Variants in KCNH8 observed in about 807,000 individuals in gnomAD.
KCNH8 encodes the protein potassium voltage-gated channel subfamily H member 8.
KCNH8 carries 70 observed loss-of-function variants against 103.6 expected under a neutral mutation model. The ratio of observed to expected loss-of-function variants is 0.68; its 90% CI spans 0.56 to 0.82. KCNH8 has a LOEUF of 0.82. KCNH8 is among the 40% of genes least tolerant of loss of function. The pLI is 0.00. For synonymous variants in KCNH8, 498 were observed against 489.4 expected (o/e 1.02, Z -0.23); for missense variants, 1,217 against 1,329.9 (o/e 0.92, Z 1.32).
intron 1 of KCNH8, among the ~76,000 whole-genome samples, chr3:19,187,494 C>T (rs7429800): frequency 2.0e-5 from 3 of 152,034 alleles, no homozygotes; most frequent in Non-Finnish European, 2.9e-5. Flanking sequence ...GTTATATCAC[C>T]TCAGTTGATC....
At chr3:19,353,510 C>CA (rs1330782895) in intron 5 of KCNH8, among the ~76,000 whole-genome samples, 2 of 152,312 alleles carry the variant, frequency 1.3e-5, no homozygotes, top group East Asian at 3.9e-4. Flanking sequence ...CCAAATCCAG[C>CA]AGCACATCAA....
At chr3:19,529,893 T>G (rs148043067) in intron 15 of KCNH8, among the ~76,000 whole-genome samples, 5 of 152,288 alleles carry the variant, frequency 3.3e-5, no homozygotes, top group African/African-American at 9.6e-5. Flanking sequence ...TAAAGAAACC[T>G]CTGTTTCCTT....
intron 11 of KCNH8, among the ~76,000 whole-genome samples, chr3:19,492,807 T>A (rs940425459): frequency 7.9e-5 from 12 of 151,352 alleles, no homozygotes; most frequent in Non-Finnish European, 1.3e-4. Flanking sequence ...ATTCTTCTAG[T>A]CCTTGAGCAT....
Position 19,253,890 on chromosome 3 carries a change from G to A in KCNH8, c.310+3G>A, listed in dbSNP as rs373918603. On this transcript the variant is annotated splice_donor_region_variant and intron_variant, in intron 2 of 15. Transcript: ENST00000328405. ...AATTATGTTCTACAAGAAAAACGGT[G>A]AGTTGGCTTTCTTTCGTGCTCACTG... 4 of 1,604,220 alleles carry A rather than the reference G, an allele frequency of 2.5e-6. No homozygotes were observed. In the African/African-American group the frequency reaches 4.0e-5, roughly 16 times the overall value.
intron 3 of KCNH8, among the ~76,000 whole-genome samples, chr3:19,341,099 G>A (rs1279092383): frequency 1.3e-5 from 2 of 152,018 alleles, no homozygotes; most frequent in Non-Finnish European, 2.9e-5. Flanking sequence ...TTTGAGGTGG[G>A]CTGTCCACGT....
chr3:19,251,324 T>A (rs1228464942), intron 1 of KCNH8, among the ~76,000 whole-genome samples: 2 of 151,914 alleles, frequency 1.3e-5, no homozygotes, highest in Non-Finnish European at 2.9e-5. Context: ...GTAATGCACC[T>A]CACTCCTGTG....
Position 19,298,689 on chromosome 3 carries a change from G to A in KCNH8, c.442+17360G>A, listed in dbSNP as rs572596983. Among the ~76,000 whole-genome samples the A allele has an allele frequency of 3.1e-3, 478 of 152,102 alleles. 2 individuals carry two copies. The highest frequency in any genetic ancestry group is 5.6e-3 in the Non-Finnish European group (379 of 67,960). Reference sequence around the variant, plus strand: ...TGTAATCCCAGCACTTTGGGAGTCCGAGGCGGGCGGATCACGAGGTCAGGA... The same window carrying A: ...TGTAATCCCAGCACTTTGGGAGTCCAAGGCGGGCGGATCACGAGGTCAGGA... On this transcript the variant is annotated intron_variant, in intron 3 of 15. Coordinates refer to ENST00000328405, the MANE Select transcript of KCNH8 (RefSeq NM_144633.3).
chr3:19,369,041 C>T (rs1309662735), intron 5 of KCNH8, among the ~76,000 whole-genome samples: 2 of 151,778 alleles, frequency 1.3e-5, no homozygotes, highest in Non-Finnish European at 2.9e-5. Flanking sequence ...TGATAATATT[C>T]GTCTTAGTTT....
chr3:19,487,164 T>G (rs551801050), intron 11 of KCNH8, among the ~76,000 whole-genome samples: 1 of 152,168 alleles, frequency 6.6e-6, no homozygotes, highest in Non-Finnish European at 1.5e-5. Context: ...CGGGTCCAAG[T>G]GTACTGAGTA....
intron 4 of KCNH8, among the ~76,000 whole-genome samples, chr3:19,347,469 T>G (rs2065743900): frequency 6.6e-6 from 1 of 152,094 alleles, no homozygotes; most frequent in African/African-American, 2.4e-5. Flanking sequence ...GTCTTTTTTA[T>G]TTTTTAATGA....
chr3:19,443,516 G>T (rs1464892918), intron 8 of KCNH8, among the ~76,000 whole-genome samples: 1 of 150,892 alleles, frequency 6.6e-6, no homozygotes, highest in African/African-American at 2.4e-5. Flanking sequence ...TTCCATATAG[G>T]CATCTGTAAT....
At chr3:19,178,221 AT>A (rs958122155) in intron 1 of KCNH8, among the ~76,000 whole-genome samples, 27 of 151,930 alleles carry the variant, frequency 1.8e-4, no homozygotes, top group Non-Finnish European at 3.8e-4. Flanking sequence ...ATACCTGGAG[AT>A]TTTTTTATTG....
At chr3:19,193,122 TTTC>T (rs1213336017) in intron 1 of KCNH8, among the ~76,000 whole-genome samples, 4 of 151,690 alleles carry the variant, frequency 2.6e-5, no homozygotes, top group Non-Finnish European at 5.9e-5. Flanking sequence ...ATTATTTTCA[TTTC>T]TTATTATACT....
chr3:19,499,166 G>A (rs577583055), intron 11 of KCNH8, among the ~76,000 whole-genome samples: 78 of 152,294 alleles, frequency 5.1e-4, no homozygotes, highest in Middle Eastern at 3.4e-3. Flanking sequence ...GAGCCAATGC[G>A]ATCAACTGGA....
At chr3:19,379,701 AG>A (rs2066263380) in intron 5 of KCNH8, among the ~76,000 whole-genome samples, 1 of 152,178 alleles carries the variant, frequency 6.6e-6, no homozygotes, top group African/African-American at 2.4e-5. Flanking sequence ...AACCACCCCA[AG>A]TCAAGCAACA....
rs775385172 is a variant in KCNH8 at position 19,438,304 on chromosome 3, G to A, written c.1318G>A (p.Val440Ile). The A allele has an allele frequency of 1.7e-5, 27 of 1,613,950 alleles. No homozygotes were observed. Among genetic ancestry groups the A allele is most frequent in the South Asian group, 1.2e-4 (11 of 91,076 alleles). ...CCTCACCAGCGTGGGTTTTGGGAACGTCTCTGCTAATACAGATGCAGAAAA... is the reference window on the plus strand; with the variant it reads ...CCTCACCAGCGTGGGTTTTGGGAACATCTCTGCTAATACAGATGCAGAAAA... Reference protein sequence around the residue: ...SSLTSVGFGNVSANTDAEKIF... With the variant: ...SSLTSVGFGNISANTDAEKIF... Residue 440 changes from valine to isoleucine, a missense_variant, in exon 8 of 16, where the codon GTC becomes ATC. Coordinates refer to ENST00000328405, the MANE Select transcript of KCNH8 (RefSeq NM_144633.3).
intron 5 of KCNH8, among the ~76,000 whole-genome samples, chr3:19,367,618 A>G (rs764474316): frequency 6.6e-6 from 1 of 151,774 alleles, no homozygotes; most frequent in Non-Finnish European, 1.5e-5. Flanking sequence ...TGTAGCACTA[A>G]ACATATGTCT....
intron 3 of KCNH8, among the ~76,000 whole-genome samples, chr3:19,338,287 G>C (rs1368969723): frequency 6.6e-6 from 1 of 151,628 alleles, no homozygotes. Flanking sequence ...ACTCCTTTCT[G>C]TCTGAGATCC....
intron 1 of KCNH8, among the ~76,000 whole-genome samples, chr3:19,231,759 C>T (rs1395710899): frequency 2.6e-5 from 4 of 152,118 alleles, no homozygotes; most frequent in South Asian, 4.1e-4. Flanking sequence ...TTTGGGAAAT[C>T]GAGCCTTGAA....
Sources: allele counts gnomAD v4.1 joint callset (sites outside exome capture counted in the v4.1 genomes callset), GRCh38; gene constraint gnomAD v4.1.1; transcripts MANE v1.5; gene names NCBI Gene and HGNC (gene_info 2026-07-23, HGNC 2026-07-21).